The following NPHP3 variants were observed in gnomAD, a reference collection of about 807,000 sequenced individuals.
NPHP3 encodes nephrocystin-3.
Under a neutral mutation model 171.9 loss-of-function variants are expected in NPHP3, and 123 were observed. That is an observed-to-expected ratio of 0.72 (90% CI 0.62 to 0.83). The LOEUF is 0.83. Ranked by LOEUF, NPHP3 falls within the 40% of genes least tolerant of loss-of-function variation. NPHP3 has a pLI of 0.00. For missense variants in NPHP3, 1,506 were observed against 1,591.9 expected, an observed-to-expected ratio of 0.95 and a Z score of 0.92; for synonymous variants, 558 against 579.2, an observed-to-expected ratio of 0.96 and a Z score of 0.52.
intron 21 of NPHP3, among the ~76,000 whole-genome samples, chr3:132,688,128 A>T (rs1207403203): frequency 6.6e-6 from 1 of 152,204 alleles, no homozygotes; most frequent in African/African-American, 2.4e-5. Context: ...ACAAGTGGAA[A>T]ATTCTGCACC....
intron 16 of NPHP3, among the ~76,000 whole-genome samples, chr3:132,694,229 T>C (rs1358905454): frequency 1.3e-5 from 2 of 151,914 alleles, no homozygotes; most frequent in East Asian, 1.9e-4. Context: ...AAAAGAACAA[T>C]TAATTATCCA....
chr3:132,715,345 C>A, intron 4 of NPHP3, 127 bp from the exon 5 acceptor site: 1 of 753,896 alleles, frequency 1.3e-6, no homozygotes, highest in South Asian at 1.5e-5. Flanking sequence ...TACTGCCATA[C>A]CTTCTAGAGT....
rs534940705 is a variant in NPHP3, at chr3:132,684,362, T to C, written c.3570+192A>G. 4.2e-4 allele frequency among the ~76,000 whole-genome samples: 64 copies of C among 152,318 alleles called. No individual in the cohort carries two copies. In the South Asian group the frequency reaches 0.013, roughly 31 times the overall value. ...TAGTATATTATTTCAGAATCAAGAA[T>C]CAATGTAACCAGTTCAGTATAAAAT... is the stretch of plus-strand genomic sequence containing the variant. On this transcript the variant is annotated intron_variant, in intron 24 of 26. Transcript: ENST00000337331.
At position 132,681,637 on chromosome 3, in the gene NPHP3, C is replaced by T. The variant is rs113746355; in HGVS notation, c.*273G>A. 6.0e-4 allele frequency: 242 copies of T among 405,208 alleles called. 1 individual carries two copies. Among genetic ancestry groups the T allele is most frequent in the African/African-American group, 3.9e-3 (190 of 48,926 alleles). 25.1% of individuals were successfully genotyped at this position (405,208 alleles called of 1,614,324 possible). On this transcript the variant is annotated 3_prime_UTR_variant, in exon 27 of 27. Coordinates refer to ENST00000337331, the MANE Select transcript of NPHP3 (RefSeq NM_153240.5). ...AGCTCTTGTTGAACAAAGACCAATC[C>T]GCTCTTCATGATTTGCTCCTCATGT...
intron 15 of NPHP3, among the ~76,000 whole-genome samples, chr3:132,696,246 A>G (rs1939450954): frequency 6.6e-6 from 1 of 152,202 alleles, no homozygotes; most frequent in South Asian, 2.1e-4. Flanking sequence ...ATACTGAGGA[A>G]ATAAAAGTAG....
chr3:132,708,291 T>C lies in NPHP3; in HGVS notation c.1119-34A>G, dbSNP rs751717168. On this transcript the variant is annotated intron_variant, in intron 6 of 26. Coordinates refer to ENST00000337331, the MANE Select transcript of NPHP3 (RefSeq NM_153240.5). ...GAAATCAGCATTTTGTGTGCTATAC[T>C]GCATTGTGGCAGCAAGCAGTTAGTT... The C allele has an allele frequency of 3.1e-6, 5 of 1,604,602 alleles. No individual in the cohort carries two copies. In the South Asian group the frequency reaches 5.5e-5, roughly 18 times the overall value.
chr3:132,719,855 C>T, intron 1 of NPHP3, 25 bp from the exon 2 acceptor site: 2 of 1,524,034 alleles, frequency 1.3e-6, no homozygotes, highest in Non-Finnish European at 1.8e-6. Flanking sequence ...CTTGTTATTT[C>T]CTAACAAAAA....
intron 16 of NPHP3, chr3:132,693,868 G>C (rs1270775124): frequency 4.2e-5 from 6 of 143,808 alleles, no homozygotes; most frequent in Non-Finnish European, 1.5e-5. Flanking sequence ...GCGAGACTCT[G>C]TCTCGGGAAA....
chr3:132,711,201 C>T (rs957290735), intron 6 of NPHP3, among the ~76,000 whole-genome samples: 3 of 152,168 alleles, frequency 2.0e-5, no homozygotes, highest in Non-Finnish European at 2.9e-5. Flanking sequence ...AAGGCTCCAA[C>T]AGCCCTTGTT....
rs568839297 is a variant in NPHP3 at position 132,682,724 on chromosome 3, A to T, written c.3791T>A (p.Leu1264Gln). 2 of 1,610,714 alleles carry T rather than the reference A, an allele frequency of 1.2e-6. No homozygotes were observed. The highest frequency in any genetic ancestry group is 1.1e-5 in the South Asian group (1 of 91,000). ...TTACCTAAGCACAGCTAAATTTTTCAGTGTTTCTCCAACTCGAGGATGCAT... is the reference window on the plus strand; with the variant it reads ...TTACCTAAGCACAGCTAAATTTTTCTGTGTTTCTCCAACTCGAGGATGCAT... ...GRMHPRVGET[L>Q]KNLAVLSYEG... Residue 1264 changes from leucine to glutamine, a missense_variant, in exon 26 of 27, where the codon CTG (leucine) becomes CAG (glutamine). Physicochemically the swap from Leu to Gln is moderately radical, Grantham distance 113 (BLOSUM62 -2). Coordinates refer to ENST00000337331, the MANE Select transcript of NPHP3 (RefSeq NM_153240.5).
chr3:132,681,771 A>C lies in NPHP3; in HGVS notation c.*139T>G, dbSNP rs886058001. ...CAATTCCAACTTAATGTAATCCAAT[A>C]CAACTTCATACAAATAGCAGTTAAA... On this transcript the variant is annotated 3_prime_UTR_variant, in exon 27 of 27. Coordinates refer to ENST00000337331, the MANE Select transcript of NPHP3 (RefSeq NM_153240.5). The C allele has an allele frequency of 9.4e-6, 7 of 743,968 alleles. No homozygotes were observed. Among genetic ancestry groups the C allele is most frequent in the Admixed American group, 2.1e-5 (1 of 48,052 alleles). 46.1% of individuals were successfully genotyped at this position (743,968 alleles called of 1,614,324 possible). A position where few individuals can be genotyped will look rare whatever the true frequency, so the allele number is the denominator to read the frequency against.
At chr3:132,699,654 G>T (rs904117428) in intron 12 of NPHP3, among the ~76,000 whole-genome samples, 1 of 152,034 alleles carries the variant, frequency 6.6e-6, no homozygotes, top group African/African-American at 2.4e-5. Context: ...GACACGTCAG[G>T]AAATGTCAAG....
At chr3:132,710,842 G>A (rs944548428) in intron 6 of NPHP3, among the ~76,000 whole-genome samples, 3 of 152,100 alleles carry the variant, frequency 2.0e-5, no homozygotes, top group African/African-American at 7.2e-5. Flanking sequence ...CAGTAACACC[G>A]AGAGGCACAG....
chr3:132,714,129 G>A (rs1576683634), intron 5 of NPHP3, among the ~76,000 whole-genome samples: 1 of 152,370 alleles, frequency 6.6e-6, no homozygotes, highest in East Asian at 1.9e-4. Context: ...TGGTGTTGTA[G>A]TGCTGCCATG....
Position 132,722,260 on chromosome 3 carries a change from C to T in NPHP3, c.96G>A (p.Val32=), listed in dbSNP as rs780089188. ...AGGGEACEIP[V]EVKPKARLLR... The stretch of plus-strand genomic sequence containing the variant: ...GCAGGCGGGCCTTGGGCTTCACCTC[C>T]ACCGGGATCTCGCAGGCCTCGCCGC... Residue 32 remains valine (V), a synonymous_variant, in exon 1 of 27, where the codon GTG becomes GTA. Transcript: ENST00000337331. 5 of 1,576,706 alleles carry T rather than the reference C, an allele frequency of 3.2e-6. No individual in the cohort carries two copies. Among genetic ancestry groups the T allele is most frequent in the Non-Finnish European group, 4.3e-6 (5 of 1,170,500 alleles).
At chr3:132,716,635 T>C (rs1234178621) in intron 4 of NPHP3, 122 bp downstream of exon 4, 5 of 1,067,728 alleles carry the variant, frequency 4.7e-6, no homozygotes, top group Non-Finnish European at 7.2e-6. Context: ...GGTTTGTCAA[T>C]GGAAAGCACT....
rs1559998026 is a variant in NPHP3, at chr3:132,680,843, G to GAGAC, written c.*1063_*1066dup. On this transcript the variant is annotated 3_prime_UTR_variant, in exon 27 of 27. Coordinates refer to ENST00000337331, the MANE Select transcript of NPHP3 (RefSeq NM_153240.5). ...CTAATTTGAGTTTGAGGTAAATGAAGAGACAGATTTAGGCCATCTAAGAAG... is the reference window on the plus strand; with the variant it reads ...CTAATTTGAGTTTGAGGTAAATGAAGAGACAGACAGATTTAGGCCATCTAAGAAG... The GAGAC allele has an allele frequency of 6.6e-6, 1 of 152,132 alleles. No homozygotes were observed. Among genetic ancestry groups the GAGAC allele is most frequent in the African/African-American group, 2.4e-5 (1 of 41,426 alleles). 9.4% of individuals were successfully genotyped at this position (152,132 alleles called of 1,614,324 possible). A position where few individuals can be genotyped will look rare whatever the true frequency, so the allele number is the denominator to read the frequency against.
Position 132,716,757 on chromosome 3 carries a change from C to G in NPHP3, c.823G>C (p.Asp275His). The G allele has an allele frequency of 6.2e-7, 1 of 1,613,962 alleles. No individual in the cohort carries two copies. Among genetic ancestry groups the G allele is most frequent in the Non-Finnish European group, 8.5e-7 (1 of 1,179,980 alleles). Residue 275 changes from aspartate to histidine, a missense_variant and splice_region_variant, in exon 4 of 27, where the codon GAT (aspartate) becomes CAT (histidine). Around this residue, in one of 3 missense-constraint regions of NPHP3, gnomAD observed 930 missense variants for 924.9 expected, o/e 1.01. Transcript: ENST00000337331. ...GTAATTGACAAACAGCATGTATTACCTCTATTAACATTTGCAAAGGGTCCT... is the reference window on the plus strand; with the variant it reads ...GTAATTGACAAACAGCATGTATTACGTCTATTAACATTTGCAAAGGGTCCT... ...VEGPFANVNR[D>H]DWDIAVASLL... is the part of the protein sequence containing the mutation.
In NPHP3 at chr3:132,683,395, TTACC is replaced by T; in HGVS notation, c.3696_3696+3del. 1 of 1,612,522 alleles carries T rather than the reference TTACC, an allele frequency of 6.2e-7. No individual in the cohort carries two copies. Among genetic ancestry groups the T allele is most frequent in the Non-Finnish European group, 8.5e-7 (1 of 1,178,824 alleles). On this transcript the variant is annotated splice_donor_variant and splice_donor_region_variant and coding_sequence_variant and intron_variant, in exon 25 of 27. Coordinates refer to ENST00000337331, the MANE Select transcript of NPHP3 (RefSeq NM_153240.5). LOFTEE classifies it high-confidence loss of function. ...TGATACAACGTTAAAATATGGGAAC[TTACC>T]ATTTGGCTATAAAGAACAGCTAAGT...
Sources: gnomAD v4.1 joint callset for allele counts (sites outside exome capture counted in the v4.1 genomes callset) on GRCh38, gnomAD v4.1.1 for gene constraint, gnomAD v4.1.1 regional missense constraint, MANE v1.5 for transcripts, NCBI Gene and HGNC (gene_info 2026-07-23, HGNC 2026-07-21) for gene names.